FSTL4: variants seen among roughly 807,000 people sequenced by gnomAD.
FSTL4 encodes the protein follistatin-related protein 4.
Under a neutral mutation model 78.2 loss-of-function variants are expected in FSTL4, and 28 were observed. The ratio of observed to expected loss-of-function variants is 0.36; its 90% CI spans 0.27 to 0.49. The LOEUF (loss-of-function observed/expected upper bound fraction) is 0.49, where lower values mean the gene tolerates loss of function less well. FSTL4 is among the 20% of genes least tolerant of loss of function. FSTL4 has a pLI of 0.98. For missense variants in FSTL4, 922 were observed against 1,084.9 expected, an observed-to-expected ratio of 0.85 and a Z score of 2.11; for synonymous variants, 422 against 440.5, an observed-to-expected ratio of 0.96 and a Z score of 0.53.
chr5:133,357,763 T>A (rs1223550248), intron 4 of FSTL4, among the ~76,000 whole-genome samples: 1 of 151,956 alleles, frequency 6.6e-6, no homozygotes. Flanking sequence ...CCACACCCCC[T>A]AAAATGAGGC....
At chr5:133,464,542 T>A (rs1470063205) in intron 3 of FSTL4, among the ~76,000 whole-genome samples, 2 of 152,078 alleles carry the variant, frequency 1.3e-5, no homozygotes, top group East Asian at 3.9e-4. Flanking sequence ...TGGGGAAAAG[T>A]TCATTTGACT....
the FSTL4 span, among the ~76,000 whole-genome samples, chr5:133,789,914 T>C: frequency 6.6e-6 from 1 of 152,192 alleles, no homozygotes; most frequent in East Asian, 1.9e-4. Flanking sequence ...TACAGCCATA[T>C]TGAGGACTAG....
chr5:133,698,053 T>C, the FSTL4 span, among the ~76,000 whole-genome samples: 1 of 152,204 alleles, frequency 6.6e-6, no homozygotes, highest in Non-Finnish European at 1.5e-5. Context: ...GAGGATTTAT[T>C]AAGCATCACT....
intron 2 of FSTL4, among the ~76,000 whole-genome samples, chr5:133,582,231 G>C (rs796979965): frequency 9.8e-5 from 15 of 152,300 alleles, no homozygotes; most frequent in African/African-American, 3.6e-4. Context: ...GTGACATGGA[G>C]AATGGGGCCA....
intron 6 of FSTL4, among the ~76,000 whole-genome samples, chr5:133,264,517 TGGTGGTGGAG>T (rs1218033917): frequency 1.3e-5 from 2 of 152,178 alleles, no homozygotes; most frequent in African/African-American, 4.8e-5. Context: ...CTGCCGTTCC[TGGTGGTGGAG>T]GGTCTCTGTG....
intron 3 of FSTL4, among the ~76,000 whole-genome samples, chr5:133,464,343 A>G (rs1170157517): frequency 6.6e-6 from 1 of 152,208 alleles, no homozygotes; most frequent in African/African-American, 2.4e-5. Context: ...TGCTGAGTCC[A>G]TATGCAGGTT....
chr5:133,398,626 T>C (rs1176607725), intron 4 of FSTL4, among the ~76,000 whole-genome samples: 1 of 152,244 alleles, frequency 6.6e-6, no homozygotes, highest in Non-Finnish European at 1.5e-5. Flanking sequence ...ATCCATGCCA[T>C]GCACCAGGCA....
At chr5:133,629,407 A>G in the FSTL4 span, among the ~76,000 whole-genome samples, 1 of 152,218 alleles carries the variant, frequency 6.6e-6, no homozygotes, top group African/African-American at 2.4e-5. Context: ...AGAAATGGAT[A>G]AATTTCTGGA....
At chr5:133,330,456 C>G (rs771249152) in intron 4 of FSTL4, among the ~76,000 whole-genome samples, 1 of 152,074 alleles carries the variant, frequency 6.6e-6, no homozygotes, top group South Asian at 2.1e-4. Context: ...GATGCCACAC[C>G]CTTTTAAACA....
chr5:133,308,752 T>C (rs146169844), intron 6 of FSTL4, among the ~76,000 whole-genome samples: 315 of 152,328 alleles, frequency 2.1e-3, no homozygotes, highest in African/African-American at 6.8e-3. Context: ...ATGAAAACAC[T>C]GTTTTCCTTT....
chr5:133,249,531 G>A lies in FSTL4; in HGVS notation c.773C>T (p.Thr258Ile). 1 of 1,613,102 alleles carries A rather than the reference G, an allele frequency of 6.2e-7. No individual in the cohort carries two copies. The highest frequency in any genetic ancestry group is 8.5e-7 in the Non-Finnish European group (1 of 1,179,214). ...TGTGCTCAGCCCCACGGTCACTGTG[G>A]TCACACTGACCCTGTCCTCGGGGGC... ...SLAPEDRVSV[T>I]TVTVGLSTVL... Residue 258 changes from threonine to isoleucine, a missense_variant, in exon 7 of 16, where the codon ACC becomes ATC. Transcript: ENST00000265342.
At chr5:133,526,190 C>G (rs903641026) in intron 3 of FSTL4, among the ~76,000 whole-genome samples, 8 of 152,112 alleles carry the variant, frequency 5.3e-5, no homozygotes, top group African/African-American at 1.9e-4. Context: ...ATTTATGAGG[C>G]CTACGGTAAA....
chr5:133,300,282 C>T (rs923953030), intron 6 of FSTL4, among the ~76,000 whole-genome samples: 2 of 152,336 alleles, frequency 1.3e-5, no homozygotes, highest in Admixed American at 6.5e-5. Context: ...ACCAAGTCTG[C>T]TCTTTCACTC....
At chr5:133,508,376 C>T (rs1057040661) in intron 3 of FSTL4, among the ~76,000 whole-genome samples, 4 of 152,318 alleles carry the variant, frequency 2.6e-5, no homozygotes, top group African/African-American at 4.8e-5. Flanking sequence ...TCTTGAAGGT[C>T]TGAGCTACCT....
chr5:133,710,042 C>T, the FSTL4 span, among the ~76,000 whole-genome samples: 1 of 152,230 alleles, frequency 6.6e-6, no homozygotes, highest in Non-Finnish European at 1.5e-5. Context: ...TCCAGAGGAT[C>T]TCAGCCAGAA....
rs560261578 is a variant in FSTL4 at position 133,389,841 on chromosome 5, G to C, written c.409+10897C>G. On this transcript the variant is annotated intron_variant, in intron 4 of 15. Transcript: ENST00000265342. ...AAATACCTTGGGTTTATTATATTTTGATGGAAATATGGATCACTGGATGAG... is the reference window on the plus strand; with the variant it reads ...AAATACCTTGGGTTTATTATATTTTCATGGAAATATGGATCACTGGATGAG... 7.4e-4 allele frequency among the ~76,000 whole-genome samples: 113 copies of C among 152,316 alleles called. 1 individual carries two copies. The highest frequency in any genetic ancestry group is 2.6e-3 in the African/African-American group (108 of 41,560).
At chr5:133,491,478 C>T (rs1205356885) in intron 3 of FSTL4, among the ~76,000 whole-genome samples, 2 of 151,544 alleles carry the variant, frequency 1.3e-5, no homozygotes, top group Non-Finnish European at 2.9e-5. Flanking sequence ...CGGCTCACTG[C>T]AAGCTCCACC....
chr5:133,835,432 T>C, the FSTL4 span, among the ~76,000 whole-genome samples: 1 of 152,224 alleles, frequency 6.6e-6, no homozygotes, highest in African/African-American at 2.4e-5. Flanking sequence ...AAATGGACGT[T>C]TGGCATTCTT....
chr5:133,808,366 T>C, the FSTL4 span, among the ~76,000 whole-genome samples: 1 of 152,188 alleles, frequency 6.6e-6, no homozygotes, highest in East Asian at 1.9e-4. Flanking sequence ...GAAGCCATGT[T>C]GTTCAATCTG....
Sources: allele counts gnomAD v4.1 joint callset (sites outside exome capture counted in the v4.1 genomes callset), GRCh38; gene constraint gnomAD v4.1.1; transcripts MANE v1.5; gene names NCBI Gene and HGNC (gene_info 2026-07-23, HGNC 2026-07-21).